Variants in ADGRE5 observed in about 807,000 individuals in gnomAD.
The protein encoded by ADGRE5 is adhesion G protein-coupled receptor E5, also known as CD97 molecule.
Under a neutral mutation model 100.3 loss-of-function variants are expected in ADGRE5, and 72 were observed. That is an observed-to-expected ratio of 0.72 (90% CI 0.59 to 0.87). The LOEUF (loss-of-function observed/expected upper bound fraction) is 0.87. Among genes scored for constraint, ADGRE5 ranks in the 40% least tolerant of loss-of-function variants. ADGRE5 has a pLI of 0.00. For synonymous variants in ADGRE5, 439 were observed against 447.8 expected (o/e 0.98, Z 0.25); for missense variants, 959 against 1,094.7 (o/e 0.88, Z 1.75).
chr19:14,389,993 T>C (rs536858371), intron 3 of ADGRE5, among the ~76,000 whole-genome samples: 1 of 151,848 alleles, frequency 6.6e-6, no homozygotes, highest in South Asian at 2.1e-4. Context: ...GGAGAATCGC[T>C]TGAACCCGGG....
intron 1 of ADGRE5, among the ~76,000 whole-genome samples, chr19:14,384,192 C>T (rs1975251775): frequency 6.6e-6 from 1 of 151,956 alleles, no homozygotes; most frequent in East Asian, 1.9e-4. Context: ...GGAGTACGGG[C>T]TTGGGCTGGG....
intron 5 of ADGRE5, 85 bp downstream of exon 5, chr19:14,396,558 G>A (rs530028582): frequency 1.3e-6 from 2 of 1,577,414 alleles, no homozygotes; most frequent in Admixed American, 1.8e-5. Flanking sequence ...CCGAGGAGGA[G>A]GGGGAAGATC....
rs1452454154 is a variant in ADGRE5, at chr19:14,401,778, GA to G, written c.1183+19del. Reference sequence around the variant, plus strand: ...GGATCCAGGTAGCAGCGGTGGTCTGGAGGGGGAGCCCGTGGGAGAGAGATGG... The same window carrying G: ...GGATCCAGGTAGCAGCGGTGGTCTGGGGGGGAGCCCGTGGGAGAGAGATGG... On this transcript the variant is annotated intron_variant, in intron 11 of 19. Transcript: ENST00000242786. This position sits in a 1 kb window ranked among gnomAD's most constrained non-coding sequence, Gnocchi z 4.1. 2.7e-6 allele frequency: 4 copies of G among 1,506,466 alleles called. No individual in the cohort carries two copies. Among genetic ancestry groups the G allele is most frequent in the Non-Finnish European group, 3.6e-6 (4 of 1,117,570 alleles). The allele number at this position is 1,506,466 out of a possible 1,614,324, so 93.3% of individuals were successfully genotyped here. A position where few individuals can be genotyped will look rare whatever the true frequency, so the allele number is the denominator to read the frequency against.
intron 18 of ADGRE5, 56 bp downstream of exon 18, chr19:14,407,285 C>T (rs1976299693): frequency 1.3e-6 from 2 of 1,577,794 alleles, no homozygotes; most frequent in Non-Finnish European, 1.7e-6. Context: ...ATTTGGGAGG[C>T]TGAGGTGGGA....
intron 1 of ADGRE5, among the ~76,000 whole-genome samples, chr19:14,386,796 T>A (rs1950640451): frequency 6.7e-6 from 1 of 150,130 alleles, no homozygotes; most frequent in South Asian, 2.1e-4. Flanking sequence ...GGAGGATCAC[T>A]TGAGGCCGGG....
Position 14,402,720 on chromosome 19 carries a change from G to T in ADGRE5, c.1307G>T (p.Gly436Val). 6.2e-7 allele frequency: 1 copy of T among 1,614,152 alleles called. No homozygotes were observed. The highest frequency in any genetic ancestry group is 8.5e-7 in the Non-Finnish European group (1 of 1,180,034). The change falls in exon 12 of 20, where the codon GGT becomes GTT. Residue 436 changes from glycine to valine, a missense_variant. Around this residue, in one of 6 missense-constraint regions of ADGRE5, gnomAD observed 246 missense variants for 242.2 expected, o/e 1.02. Coordinates refer to ENST00000242786, the MANE Select transcript of ADGRE5 (RefSeq NM_078481.4). Reference sequence around the variant, plus strand: ...GAGATATATGAAAGCAGCATCCGTGGTGTCCAACTCAGACGCCTCTCTGCC... The same window carrying T: ...GAGATATATGAAAGCAGCATCCGTGTTGTCCAACTCAGACGCCTCTCTGCC... ...LEEIYESSIR[G>V]VQLRRLSAVN...
intron 1 of ADGRE5, among the ~76,000 whole-genome samples, chr19:14,387,722 C>T (rs142534163): frequency 0.014 from 2,128 of 148,630 alleles, 53 homozygotes; most frequent in African/African-American, 0.05. Flanking sequence ...AGTGAGACTC[C>T]GTTTCAAAAA....
intron 8 of ADGRE5, 37 bp from the exon 9 acceptor site, chr19:14,398,025 C>G (rs1447106958): frequency 6.2e-7 from 1 of 1,604,534 alleles, no homozygotes; most frequent in East Asian, 2.2e-5. Flanking sequence ...CACCCGCCGT[C>G]CAGGCTCTCT....
chr19:14,396,571 C>T, intron 5 of ADGRE5, 98 bp downstream of exon 5: 1 of 1,540,850 alleles, frequency 6.5e-7, no homozygotes, highest in South Asian at 1.2e-5. Context: ...GGAAGATCCG[C>T]AGGTTCCCAC....
intron 4 of ADGRE5, among the ~76,000 whole-genome samples, chr19:14,393,981 G>A (rs1327235656): frequency 1.3e-5 from 2 of 152,214 alleles, no homozygotes; most frequent in African/African-American, 4.8e-5. Flanking sequence ...TGTGCAGTGA[G>A]CAACCTGCAC....
chr19:14,404,325 C>T, intron 12 of ADGRE5, 58 bp from the exon 13 acceptor site: 1 of 1,520,840 alleles, frequency 6.6e-7, no homozygotes, highest in Non-Finnish European at 8.9e-7. Context: ...CAGCCCAAGC[C>T]CAGGACCTAA....
At chr19:14,400,048 C>T (rs1224053648) in intron 9 of ADGRE5, among the ~76,000 whole-genome samples, 1 of 150,934 alleles carries the variant, frequency 6.6e-6, no homozygotes, top group Non-Finnish European at 1.5e-5. Flanking sequence ...GAGACGGAGT[C>T]TCGCTCTGTC....
intron 4 of ADGRE5, among the ~76,000 whole-genome samples, chr19:14,394,749 A>G (rs1975714764): frequency 6.6e-6 from 1 of 152,086 alleles, no homozygotes; most frequent in African/African-American, 2.4e-5. Flanking sequence ...CACACCTACC[A>G]TAATGAACCC....
intron 9 of ADGRE5, chr19:14,398,464 T>G: frequency 3.5e-6 from 1 of 284,668 alleles, no homozygotes; most frequent in East Asian, 8.6e-5. Context: ...GGTCAGGAGA[T>G]CGAGACCATT....
intron 9 of ADGRE5, chr19:14,398,440 T>C (rs146609992): frequency 0.017 from 5,904 of 347,114 alleles, 76 homozygotes; most frequent in Non-Finnish European, 0.02. Context: ...AAGGCCGAGG[T>C]GGGCAGATCA....
chr19:14,381,582 A>G, intron 1 of ADGRE5, 37 bp downstream of exon 1: 4 of 1,590,872 alleles, frequency 2.5e-6, no homozygotes, highest in Non-Finnish European at 3.4e-6. Flanking sequence ...GGGGCGAGGA[A>G]GCTCCAGCGG....
intron 13 of ADGRE5, 77 bp downstream of exon 13, chr19:14,404,639 A>C: frequency 7.8e-6 from 11 of 1,412,284 alleles, no homozygotes; most frequent in South Asian, 1.2e-5. Flanking sequence ...CTAGTTCTCC[A>C]TGGAGCCCTA....
At chr19:14,404,828 T>C in intron 13 of ADGRE5, 1 of 410,730 alleles carries the variant, frequency 2.4e-6, no homozygotes, top group Non-Finnish European at 4.3e-6. Flanking sequence ...AACTAAAAGC[T>C]CCCCATGGAG....
At chr19:14,390,850 A>G in intron 3 of ADGRE5, 74 bp from the exon 4 acceptor site, 1 of 1,547,994 alleles carries the variant, frequency 6.5e-7, no homozygotes, top group Non-Finnish European at 8.8e-7. Context: ...CATGTTGGGG[A>G]GTCAGGATGG....
Sources: allele counts gnomAD v4.1 joint callset (sites outside exome capture counted in the v4.1 genomes callset), GRCh38; gene constraint gnomAD v4.1.1; regional missense constraint gnomAD v4.1.1; non-coding constraint Gnocchi (gnomAD v3.1); transcripts MANE v1.5; gene names NCBI Gene and HGNC (gene_info 2026-07-23, HGNC 2026-07-21).